Variants in UNC5B observed in about 807,000 individuals in gnomAD.
UNC5B encodes the protein netrin receptor UNC5B.
Under a neutral mutation model 103.7 loss-of-function variants are expected in UNC5B, and 56 were observed. The observed-to-expected ratio is 0.54, with a 90% CI of 0.44 to 0.67. The LOEUF is 0.67. Ranked by LOEUF, UNC5B falls within the 30% of genes least tolerant of loss-of-function variation. The pLI, the probability that UNC5B is intolerant of heterozygous loss-of-function variation, is 0.00. For synonymous variants in UNC5B, 577 were observed against 542.0 expected (o/e 1.06, Z -0.90); for missense variants, 1,194 against 1,284.5 (o/e 0.93, Z 1.08).
At chr10:71,286,305 G>A (rs1845078013) in intron 4 of UNC5B, among the ~76,000 whole-genome samples, 1 of 152,216 alleles carries the variant, frequency 6.6e-6, no homozygotes, top group Admixed American at 6.5e-5. Context: ...GCAGAGCTGG[G>A]AGGAGTTAAT....
chr10:71,273,945 G>A (rs1038708102), intron 1 of UNC5B, among the ~76,000 whole-genome samples: 2 of 152,258 alleles, frequency 1.3e-5, no homozygotes, highest in Non-Finnish European at 2.9e-5. Flanking sequence ...GCATGGAGGT[G>A]AGAGGTGCAA....
rs759976727 is a variant in UNC5B at position 71,285,461 on chromosome 10, G to T, written c.552+32G>T. On this transcript the variant is annotated intron_variant, in intron 4 of 16. Coordinates refer to ENST00000335350, the MANE Select transcript of UNC5B (RefSeq NM_170744.5). ...GGGGACGTAGGGACCACTGAGCACG[G>T]CCCTGTGGCCATGCCTGCAGAAGCC... 4 of 1,534,270 alleles carry T rather than the reference G, an allele frequency of 2.6e-6. No individual in the cohort carries two copies. In the East Asian group the frequency reaches 9.5e-5, roughly 36 times the overall value.
intron 1 of UNC5B, among the ~76,000 whole-genome samples, chr10:71,274,849 G>A (rs1430666960): frequency 2.0e-5 from 3 of 152,202 alleles, no homozygotes; most frequent in South Asian, 4.1e-4. Context: ...GGCAAGGAAA[G>A]TGACCCTAAT....
intron 1 of UNC5B, among the ~76,000 whole-genome samples, chr10:71,227,555 A>C (rs966589933): frequency 6.6e-6 from 1 of 151,684 alleles, no homozygotes; most frequent in African/African-American, 2.4e-5. Context: ...ACCTGTTCCC[A>C]AAAACTATTG....
intron 1 of UNC5B, among the ~76,000 whole-genome samples, chr10:71,239,223 G>A (rs1211810989): frequency 7.2e-5 from 11 of 152,176 alleles, no homozygotes; most frequent in African/African-American, 1.9e-4. Flanking sequence ...GCTTACTTGC[G>A]TTGGGATGGC....
At chr10:71,230,196 AG>A (rs1843655800) in intron 1 of UNC5B, among the ~76,000 whole-genome samples, 1 of 151,998 alleles carries the variant, frequency 6.6e-6, no homozygotes, top group South Asian at 2.1e-4. Flanking sequence ...TGTTTTCCCT[AG>A]GGGAACTCAG....
Position 71,293,586 on chromosome 10 carries a change from G to A in UNC5B, c.1941+13G>A, listed in dbSNP as rs761431113. On this transcript the variant is annotated intron_variant, in intron 12 of 16. Coordinates refer to ENST00000335350, the MANE Select transcript of UNC5B (RefSeq NM_170744.5). The stretch of plus-strand genomic sequence containing the variant: ...GGGCCACTGGGAGGTGAGGAGCCAC[G>A]GTGAAGGCTGGCCCAGCTCTCCCAA... The A allele has an allele frequency of 4.0e-5, 65 of 1,613,406 alleles. No individual in the cohort carries two copies. Among genetic ancestry groups the A allele is most frequent in the Admixed American group, 5.0e-5 (3 of 60,002 alleles).
chr10:71,213,095 G>T lies in UNC5B; in HGVS notation c.79+31G>T. 2 of 1,276,894 alleles carry T rather than the reference G, an allele frequency of 1.6e-6. No homozygotes were observed. Among genetic ancestry groups the T allele is most frequent in the Non-Finnish European group, 9.9e-7 (1 of 1,005,470 alleles). The allele number at this position is 1,276,894 out of a possible 1,614,324, so 79.1% of individuals were successfully genotyped here. A position where few individuals can be genotyped will look rare whatever the true frequency, so the allele number is the denominator to read the frequency against. ...AAGCGATCGGGTCTGGGGGCGCGGG[G>T]CTAGGGGACCCTTGCGCCTCACTCT... On this transcript the variant is annotated intron_variant, in intron 1 of 16. Coordinates refer to ENST00000335350, the MANE Select transcript of UNC5B (RefSeq NM_170744.5). The surrounding 1 kb of genome is among the most constrained non-coding windows in gnomAD (Gnocchi z 4.1).
chr10:71,255,929 C>A (rs139993020), intron 1 of UNC5B, among the ~76,000 whole-genome samples: 123 of 152,318 alleles, frequency 8.1e-4, no homozygotes, highest in African/African-American at 2.8e-3. Flanking sequence ...CTGCTCTGAG[C>A]CCCCACGGTG....
At chr10:71,275,796 G>A (rs1287487272) in intron 1 of UNC5B, among the ~76,000 whole-genome samples, 1 of 151,778 alleles carries the variant, frequency 6.6e-6, no homozygotes, top group Non-Finnish European at 1.5e-5. Context: ...TTTTAATGTG[G>A]GAGACACGGT....
intron 15 of UNC5B, among the ~76,000 whole-genome samples, chr10:71,297,160 A>G (rs1845462559): frequency 6.6e-6 from 1 of 152,008 alleles, no homozygotes. Context: ...GTTCCCTCTC[A>G]CCTCCCAAGT....
intron 1 of UNC5B, among the ~76,000 whole-genome samples, chr10:71,225,626 C>T (rs1190489538): frequency 2.0e-5 from 3 of 152,196 alleles, no homozygotes; most frequent in African/African-American, 4.8e-5. Context: ...GGCCGGCTGC[C>T]CATTCTTAGA....
chr10:71,216,673 T>A (rs1413056347), intron 1 of UNC5B, among the ~76,000 whole-genome samples: 1 of 152,226 alleles, frequency 6.6e-6, no homozygotes, highest in Non-Finnish European at 1.5e-5. Flanking sequence ...CCTTTGTTGT[T>A]GAGTTTCTCC....
chr10:71,237,198 A>G (rs1843791412), intron 1 of UNC5B, among the ~76,000 whole-genome samples: 1 of 151,948 alleles, frequency 6.6e-6, no homozygotes, highest in Admixed American at 6.6e-5. Flanking sequence ...TTCCCTAATG[A>G]CCCCTGTTTG....
intron 16 of UNC5B, among the ~76,000 whole-genome samples, chr10:71,298,888 T>C (rs566907163): frequency 2.0e-5 from 3 of 152,324 alleles, no homozygotes. Flanking sequence ...GAGCGGTAAC[T>C]GGCATTGTTC....
chr10:71,292,427 T>TA, intron 10 of UNC5B, 40 bp from the exon 11 acceptor site: 1 of 1,534,716 alleles, frequency 6.5e-7, no homozygotes, highest in Middle Eastern at 1.7e-4. Context: ...CTTGTTCTCC[T>TA]AAGCTCCTGG....
At chr10:71,285,776 CAT>C (rs1486675346) in intron 4 of UNC5B, among the ~76,000 whole-genome samples, 6 of 152,136 alleles carry the variant, frequency 3.9e-5, no homozygotes, top group African/African-American at 9.7e-5. Context: ...AGGATCCCAT[CAT>C]GCGTGTGTGT....
intron 1 of UNC5B, among the ~76,000 whole-genome samples, chr10:71,225,455 C>T (rs1843542310): frequency 2.0e-5 from 3 of 152,190 alleles, no homozygotes; most frequent in African/African-American, 4.8e-5. Context: ...ACTTCTCATC[C>T]ATCTTTGTGC....
In UNC5B at chr10:71,280,134, G is replaced by T. The variant is rs938002289; in HGVS notation, c.304+89G>T. The T allele has an allele frequency of 5.8e-5, 82 of 1,408,160 alleles. 1 individual carries two copies. Among genetic ancestry groups the T allele is most frequent in the Admixed American group, 3.5e-4 (19 of 54,952 alleles). The allele number at this position is 1,408,160 out of a possible 1,614,324, so 87.2% of individuals were successfully genotyped here. On this transcript the variant is annotated intron_variant, in intron 2 of 16. Transcript: ENST00000335350. ...TCCATGTGAGACTTCACACAGCCAT[G>T]GTGCCCCCTTGGATTAGCATTTCCC...
Sources: gnomAD v4.1 joint callset for allele counts (sites outside exome capture counted in the v4.1 genomes callset) on GRCh38, gnomAD v4.1.1 for gene constraint, Gnocchi (gnomAD v3.1) non-coding constraint, MANE v1.5 for transcripts, NCBI Gene and HGNC (gene_info 2026-07-23, HGNC 2026-07-21) for gene names.